Variants in MSN observed in about 807,000 individuals in gnomAD.
MSN encodes the protein epididymis luminal protein 70.
Under a neutral mutation model 48.0 loss-of-function variants are expected in MSN, and 2 were observed. The observed-to-expected ratio is 0.04, with a 90% CI of 0.02 to 0.13. MSN has a LOEUF of 0.13. MSN is among the 10% of genes least tolerant of loss of function. The probability of loss-of-function intolerance (pLI) is 1.00; values close to 1 mark genes in which losing one functional copy is unlikely to be tolerated. For missense variants in MSN, 267 were observed against 470.1 expected, an observed-to-expected ratio of 0.57 and a Z score of 3.99; for synonymous variants, 146 against 166.9, an observed-to-expected ratio of 0.87 and a Z score of 0.97.
chrX:65,673,343 G>T (rs955066513), intron 1 of MSN, among the ~76,000 whole-genome samples: 1 of 111,728 alleles, frequency 9.0e-6, no homozygotes, highest in Non-Finnish European at 1.9e-5. Flanking sequence ...TTCTAACATG[G>T]TGAGTGTGGT....
intron 1 of MSN, among the ~76,000 whole-genome samples, chrX:65,651,787 TCACATTGGC>T (rs1463332045): frequency 1.9e-5 from 2 of 106,117 alleles, no homozygotes; most frequent in Admixed American, 1.0e-4. Flanking sequence ...TGGGGTTTCA[TCACATTGGC>T]CACATTGGCC....
chrX:65,737,399 T>C, intron 10 of MSN, 61 bp downstream of exon 10: 3 of 1,118,949 alleles, frequency 2.7e-6, no homozygotes, highest in Non-Finnish European at 3.6e-6. Flanking sequence ...TCTGCCTACT[T>C]ACTTATAGCT....
At chrX:65,644,394 G>A (rs140734665) in intron 1 of MSN, among the ~76,000 whole-genome samples, 1,579 of 111,381 alleles carry the variant, frequency 0.014, 36 homozygotes, top group African/African-American at 0.048. Context: ...TAAAATAACT[G>A]ATTCAAGATC....
At chrX:65,693,942 A>G (rs1198929444) in intron 1 of MSN, among the ~76,000 whole-genome samples, 2 of 110,894 alleles carry the variant, frequency 1.8e-5, no homozygotes, top group African/African-American at 6.6e-5. Flanking sequence ...ATTCCCAGCT[A>G]TTCGGGAGGC....
At chrX:65,634,774 G>C (rs1481898179) in intron 1 of MSN, among the ~76,000 whole-genome samples, 1 of 112,099 alleles carries the variant, frequency 8.9e-6, no homozygotes, top group African/African-American at 3.2e-5. Flanking sequence ...GCACTTGTTT[G>C]AGGGTGACTA....
intron 1 of MSN, among the ~76,000 whole-genome samples, chrX:65,699,800 G>A (rs1440109771): frequency 3.7e-5 from 4 of 107,600 alleles, no homozygotes; most frequent in African/African-American, 1.3e-4. Context: ...GCCTTTGGAA[G>A]GACCTTTGTG....
At chrX:65,612,156 G>A (rs145710455) in intron 1 of MSN, among the ~76,000 whole-genome samples, 2 of 111,271 alleles carry the variant, frequency 1.8e-5, no homozygotes, top group African/African-American at 6.5e-5. Flanking sequence ...AGGTGATTAG[G>A]TCATGAAGTG....
intron 1 of MSN, among the ~76,000 whole-genome samples, chrX:65,679,559 T>C (rs755135625): frequency 6.2e-5 from 7 of 112,086 alleles, no homozygotes; most frequent in Non-Finnish European, 1.1e-4. Flanking sequence ...TTGGTATTAG[T>C]CCTGGAGATC....
chrX:65,639,064 C>T (rs746569892), intron 1 of MSN, among the ~76,000 whole-genome samples: 4 of 112,484 alleles, frequency 3.6e-5, no homozygotes, highest in Non-Finnish European at 5.6e-5. Flanking sequence ...CCTGGCTCCT[C>T]CTGAGGGAAA....
chrX:65,662,230 C>T (rs1569459265), intron 1 of MSN, among the ~76,000 whole-genome samples: 2 of 112,400 alleles, frequency 1.8e-5, no homozygotes, highest in Admixed American at 9.5e-5. Context: ...ACAGATTCAA[C>T]GTTATTCCCA....
intron 1 of MSN, among the ~76,000 whole-genome samples, chrX:65,618,058 T>G (rs1348601951): frequency 9.0e-6 from 1 of 111,153 alleles, no homozygotes; most frequent in Non-Finnish European, 1.9e-5. Flanking sequence ...TTGATTGCAC[T>G]GTGGTCTGAG....
chrX:65,626,229 C>A (rs970944245), intron 1 of MSN, among the ~76,000 whole-genome samples: 3 of 112,194 alleles, frequency 2.7e-5, no homozygotes, highest in Non-Finnish European at 5.6e-5. Flanking sequence ...GCTGGGATTA[C>A]AGGCGTGAGC....
chrX:65,708,149 C>A (rs1410216719), intron 1 of MSN, among the ~76,000 whole-genome samples: 1 of 110,777 alleles, frequency 9.0e-6, no homozygotes, highest in Non-Finnish European at 1.9e-5. Context: ...CTGTACCCAG[C>A]CTAATTTTGA....
At chrX:65,650,052 CT>C (rs59222247) in intron 1 of MSN, among the ~76,000 whole-genome samples, 784 of 53,207 alleles carry the variant, frequency 0.015, 3 homozygotes, top group African/African-American at 0.057. Flanking sequence ...CCTTTTTTCT[CT>C]TTTTTTTTTT....
intron 2 of MSN, among the ~76,000 whole-genome samples, chrX:65,726,291 A>G (rs948992638): frequency 8.9e-6 from 1 of 111,842 alleles, no homozygotes; most frequent in African/African-American, 3.3e-5. Context: ...GCATTAGGAC[A>G]TAGCATGCTA....
At chrX:65,688,370 AC>A (rs1212423359) in intron 1 of MSN, among the ~76,000 whole-genome samples, 1 of 111,878 alleles carries the variant, frequency 8.9e-6, no homozygotes, top group Non-Finnish European at 1.9e-5. Context: ...GAGCCAACAC[AC>A]CCAGCCAGGA....
At chrX:65,649,871 C>A (rs1203895701) in intron 1 of MSN, among the ~76,000 whole-genome samples, 2 of 107,011 alleles carry the variant, frequency 1.9e-5, no homozygotes, top group Non-Finnish European at 3.8e-5. Context: ...CCACCACCAT[C>A]CACAAATAAC....
intron 1 of MSN, chrX:65,716,390 C>T (rs1373210281): frequency 1.0e-5 from 2 of 190,629 alleles, no homozygotes; most frequent in African/African-American, 6.0e-5. Context: ...ATTCTCATAC[C>T]CCAGCCTCCC....
intron 1 of MSN, among the ~76,000 whole-genome samples, chrX:65,714,439 G>T (rs928260172): frequency 1.3e-4 from 14 of 111,622 alleles, no homozygotes; most frequent in Non-Finnish European, 1.5e-4. Flanking sequence ...CACCAACAGT[G>T]TATAAAGGTT....
Sources: allele counts gnomAD v4.1 joint callset (sites outside exome capture counted in the v4.1 genomes callset), GRCh38; gene constraint gnomAD v4.1.1; transcripts MANE v1.5; gene names NCBI Gene and HGNC (gene_info 2026-07-23, HGNC 2026-07-21).